LDLRAD4: variants seen among roughly 807,000 people sequenced by gnomAD.
LDLRAD4 encodes low density lipoprotein receptor class A domain containing 4.
Under a neutral mutation model 17.0 loss-of-function variants are expected in LDLRAD4, and 5 were observed. The ratio of observed to expected loss-of-function variants is 0.29; its 90% CI spans 0.15 to 0.62. The LOEUF (loss-of-function observed/expected upper bound fraction) is 0.62, where lower values mean the gene tolerates loss of function less well. Among genes scored for constraint, LDLRAD4 ranks in the 20% least tolerant of loss-of-function variants. The pLI is 0.84. For synonymous variants in LDLRAD4, 168 were observed against 171.8 expected (o/e 0.98, Z 0.17); for missense variants, 340 against 424.7 (o/e 0.80, Z 1.75).
At chr18:13,357,882 C>A (rs911647096) in intron 1 of LDLRAD4, among the ~76,000 whole-genome samples, 7 of 152,174 alleles carry the variant, frequency 4.6e-5, no homozygotes, top group African/African-American at 1.7e-4. Context: ...TGCTTTTTTA[C>A]ATATAATTAT....
upstream of LDLRAD4, chr18:13,218,221 C>T (rs1464120024): frequency 2.6e-5 from 4 of 152,368 alleles, no homozygotes; most frequent in African/African-American, 9.6e-5. Flanking sequence ...GTCCGCGAGC[C>T]TGCGCCGTCG....
intron 3 of LDLRAD4, among the ~76,000 whole-genome samples, chr18:13,478,278 C>T (rs1188768700): frequency 2.0e-5 from 3 of 152,170 alleles, no homozygotes; most frequent in East Asian, 3.9e-4. Context: ...GTAACGGAAT[C>T]GCCAGGTGAT....
In LDLRAD4 at chr18:13,612,065, G is replaced by A. The variant is rs191323343; in HGVS notation, c.182-9052G>A. 6.4e-5 allele frequency: 63 copies of A among 985,554 alleles called. No individual in the cohort carries two copies. In the African/African-American group the frequency reaches 1.0e-3, roughly 16 times the overall value. 61.1% of individuals were successfully genotyped at this position (985,554 alleles called of 1,614,324 possible). A position where few individuals can be genotyped will look rare whatever the true frequency, so the allele number is the denominator to read the frequency against. On this transcript the variant is annotated intron_variant, in intron 3 of 5. Coordinates refer to ENST00000359446, the Ensembl canonical transcript of LDLRAD4. ...CCCGCCTGTCGCGTGTCCTGCCTTG[G>A]TAAGCGCCCTCTCCGGTCCTTCCAC...
intron 2 of LDLRAD4, among the ~76,000 whole-genome samples, chr18:13,433,471 G>GTT (rs2090467818): frequency 2.0e-5 from 3 of 152,156 alleles, no homozygotes; most frequent in Admixed American, 6.5e-5. Flanking sequence ...GACTGAGATC[G>GTT]TATCTGTGAA....
At chr18:13,418,587 A>G (rs1045097982) in intron 2 of LDLRAD4, among the ~76,000 whole-genome samples, 1 of 152,178 alleles carries the variant, frequency 6.6e-6, no homozygotes, top group African/African-American at 2.4e-5. Flanking sequence ...TATGTGTTCA[A>G]CTTTCGACCA....
At chr18:13,389,325 A>G (rs1417379631) in intron 2 of LDLRAD4, among the ~76,000 whole-genome samples, 4 of 151,108 alleles carry the variant, frequency 2.6e-5, no homozygotes, top group African/African-American at 4.9e-5. Context: ...TCCCTCGTGG[A>G]TACTCCTCCC....
chr18:13,638,260 C>T (rs1601857917), intron 4 of LDLRAD4, among the ~76,000 whole-genome samples: 1 of 152,108 alleles, frequency 6.6e-6, no homozygotes, highest in Non-Finnish European at 1.5e-5. Context: ...GCAACATAGA[C>T]TTTGTCTCTT....
intron 3 of LDLRAD4, among the ~76,000 whole-genome samples, chr18:13,478,241 C>G (rs546179948): frequency 6.6e-6 from 1 of 152,192 alleles, no homozygotes; most frequent in African/African-American, 2.4e-5. Flanking sequence ...GGATTCCACC[C>G]AGGCCTGCTG....
intron 1 of LDLRAD4, among the ~76,000 whole-genome samples, chr18:13,338,022 A>AT (rs2082189068): frequency 6.6e-6 from 1 of 152,222 alleles, no homozygotes; most frequent in Non-Finnish European, 1.5e-5. Flanking sequence ...GTTACAGAAA[A>AT]TTTTTGTGCC....
At chr18:13,422,915 G>A (rs777389734) in intron 2 of LDLRAD4, among the ~76,000 whole-genome samples, 16 of 152,144 alleles carry the variant, frequency 1.1e-4, no homozygotes, top group East Asian at 7.7e-4. Flanking sequence ...TAGCAGAGGC[G>A]GAAAGCTGGT....
chr18:13,244,469 T>G (rs948145530), intron 1 of LDLRAD4, among the ~76,000 whole-genome samples: 1 of 152,314 alleles, frequency 6.6e-6, no homozygotes, highest in East Asian at 1.9e-4. Flanking sequence ...TGTCAGTTAT[T>G]AAAGTTAATT....
At chr18:13,591,530 T>C (rs2095029928) in intron 3 of LDLRAD4, among the ~76,000 whole-genome samples, 2 of 152,232 alleles carry the variant, frequency 1.3e-5, no homozygotes, top group South Asian at 2.1e-4. Flanking sequence ...AAACAATCAG[T>C]AGTAACCCAG....
rs560195396 is a variant in LDLRAD4 at position 13,296,987 on chromosome 18, TTGTC to T, written c.-383+18803_-383+18806del. Among the ~76,000 whole-genome samples, 10 of 152,244 alleles carry T rather than the reference TTGTC, an allele frequency of 6.6e-5. No individual in the cohort carries two copies. The East Asian group carries it at 1.2e-3, about 18-fold the overall frequency. ...GTTCACCTGTCTGCACCCAGGTTCT[TTGTC>T]TGTGTAGCGAGGGGATTCCTTCCCC... On this transcript the variant is annotated intron_variant, in intron 1 of 5. Transcript: ENST00000359446.
intron 1 of LDLRAD4, among the ~76,000 whole-genome samples, chr18:13,336,728 C>G (rs1206389724): frequency 6.6e-6 from 1 of 151,410 alleles, no homozygotes; most frequent in Non-Finnish European, 1.5e-5. Context: ...TTCTTTTTTT[C>G]TCACTATTTT....
At chr18:13,452,370 G>A (rs1447175005) in intron 3 of LDLRAD4, among the ~76,000 whole-genome samples, 3 of 152,136 alleles carry the variant, frequency 2.0e-5, no homozygotes. Flanking sequence ...CCGTGGAGGG[G>A]GGCGAGGAGG....
intron 1 of LDLRAD4, among the ~76,000 whole-genome samples, chr18:13,301,088 G>T (rs947728575): frequency 1.3e-5 from 2 of 152,218 alleles, no homozygotes; most frequent in Non-Finnish European, 2.9e-5. Flanking sequence ...CCGTGGTTGG[G>T]GGGGTACAGG....
chr18:13,382,914 C>T (rs1344855307), intron 1 of LDLRAD4, among the ~76,000 whole-genome samples: 1 of 152,262 alleles, frequency 6.6e-6, no homozygotes, highest in Non-Finnish European at 1.5e-5. Context: ...TGGGGCAGCG[C>T]TTGCTCTCTC....
At chr18:13,238,136 G>A (rs1209228126) in intron 1 of LDLRAD4, among the ~76,000 whole-genome samples, 2 of 152,188 alleles carry the variant, frequency 1.3e-5, no homozygotes, top group East Asian at 1.9e-4. Context: ...CTAACAGCAG[G>A]TGCCAGAATA....
intron 1 of LDLRAD4, among the ~76,000 whole-genome samples, chr18:13,381,661 C>G (rs2085377736): frequency 6.6e-6 from 1 of 152,228 alleles, no homozygotes; most frequent in Admixed American, 6.5e-5. Flanking sequence ...CTGCACTATC[C>G]ATGAGCTCTG....
Sources: allele counts gnomAD v4.1 joint callset (sites outside exome capture counted in the v4.1 genomes callset), GRCh38; gene constraint gnomAD v4.1.1; transcripts MANE v1.5; gene names NCBI Gene and HGNC (gene_info 2026-07-23, HGNC 2026-07-21).